The following GALP variants were observed in gnomAD, a reference collection of about 807,000 sequenced individuals.
GALP encodes the protein galanin-like peptide.
GALP carries 12 observed loss-of-function variants against 15.2 expected under a neutral mutation model. The ratio of observed to expected loss-of-function variants is 0.79; its 90% CI spans 0.51 to 1.28. GALP has a LOEUF of 1.28. Ranked by LOEUF, GALP falls within the 50% of genes most tolerant of loss-of-function variation. The probability of loss-of-function intolerance (pLI) is 0.00; values close to 1 mark genes in which losing one functional copy is unlikely to be tolerated. For missense variants in GALP, 161 were observed against 145.6 expected, an observed-to-expected ratio of 1.11 and a Z score of -0.55; for synonymous variants, 58 against 55.1, an observed-to-expected ratio of 1.05 and a Z score of -0.23.
Position 56,182,226 on chromosome 19 carries a change from A to G in GALP, c.191A>G (p.Glu64Gly). Residue 64 changes from glutamate (E) to glycine (G), a missense_variant, in exon 4 of 6, where the codon GAG (glutamate) becomes GGG (glycine). Transcript: ENST00000357330. ...GACGGAAAGAGGGAGACAGCCCTTG[A>G]GATCCTAGACCTGTGGAAGGCCATC... ...DQDGKRETAL[E>G]ILDLWKAIDG... is the part of the protein sequence containing the mutation. 3.7e-6 allele frequency: 6 copies of G among 1,613,980 alleles called. No individual in the cohort carries two copies. Among genetic ancestry groups the G allele is most frequent in the Non-Finnish European group, 5.1e-6 (6 of 1,179,838 alleles).
At chr19:56,184,942 A>C (rs2046411539) in intron 5 of GALP, among the ~76,000 whole-genome samples, 1 of 152,134 alleles carries the variant, frequency 6.6e-6, no homozygotes, top group Non-Finnish European at 1.5e-5. Flanking sequence ...TCTTGAAAAC[A>C]CCCACCATCA....
chr19:56,185,188 C>G, intron 5 of GALP, 27 bp from the exon 6 acceptor site: 3 of 1,534,168 alleles, frequency 2.0e-6, no homozygotes, highest in Non-Finnish European at 2.7e-6. Context: ...AAAAACCATT[C>G]AAAGTTTACC....
At chr19:56,180,501 A>T (rs2032544787) in intron 2 of GALP, 85 bp from the exon 3 acceptor site, 2 of 1,141,270 alleles carry the variant, frequency 1.8e-6, no homozygotes, top group Non-Finnish European at 2.7e-6. Context: ...GGAAAGTCGT[A>T]TGACGACCCA....
Position 56,185,301 on chromosome 19 carries a change from T to C in GALP, c.*31T>C, listed in dbSNP as rs56174458. Reference sequence around the variant, plus strand: ...TTCAAATCCCTGTTCCTATCCTTCTTCTCCAGCTCCTCCTGCTCCCTCTGA... The same window carrying C: ...TTCAAATCCCTGTTCCTATCCTTCTCCTCCAGCTCCTCCTGCTCCCTCTGA... On this transcript the variant is annotated 3_prime_UTR_variant, in exon 6 of 6. Coordinates refer to ENST00000357330, the MANE Select transcript of GALP (RefSeq NM_033106.4). 11,537 of 1,424,238 alleles carry C rather than the reference T, an allele frequency of 8.1e-3. 59 individuals carry two copies. The highest frequency in any genetic ancestry group is 9.8e-3 in the Non-Finnish European group (9,993 of 1,016,388). 88.2% of individuals were successfully genotyped at this position (1,424,238 alleles called of 1,614,324 possible). A position where few individuals can be genotyped will look rare whatever the true frequency, so the allele number is the denominator to read the frequency against.
At chr19:56,182,969 G>A (rs564347741) in intron 4 of GALP, among the ~76,000 whole-genome samples, 166 bp from the exon 5 acceptor site, 5 of 152,154 alleles carry the variant, frequency 3.3e-5, no homozygotes, top group East Asian at 3.9e-4. Context: ...GTACTAAGCC[G>A]AGTACCCAGT....
intron 4 of GALP, among the ~76,000 whole-genome samples, chr19:56,182,745 A>G (rs1433748007): frequency 1.3e-5 from 2 of 152,120 alleles, no homozygotes; most frequent in Non-Finnish European, 2.9e-5. Flanking sequence ...TTTAGTAGAG[A>G]TGGGGTTTCA....
intron 5 of GALP, among the ~76,000 whole-genome samples, chr19:56,183,607 A>AT (rs2032603176): frequency 6.6e-6 from 1 of 151,894 alleles, no homozygotes; most frequent in Admixed American, 6.6e-5. Context: ...TTATTTATTT[A>AT]TTTTTTGGGG....
Position 56,185,406 on chromosome 19 carries a change from T to G in GALP, c.*136T>G. The G allele has an allele frequency of 1.9e-6, 1 of 525,456 alleles. No homozygotes were observed. The highest frequency in any genetic ancestry group is 3.3e-6 in the Non-Finnish European group (1 of 301,680). 32.5% of individuals were successfully genotyped at this position (525,456 alleles called of 1,614,324 possible). A position where few individuals can be genotyped will look rare whatever the true frequency, so the allele number is the denominator to read the frequency against. On this transcript the variant is annotated 3_prime_UTR_variant, in exon 6 of 6. Transcript: ENST00000357330. The stretch of plus-strand genomic sequence containing the variant: ...GTCTCATGAAGACATTGTAAAGCAT[T>G]TGAATTATTCTAAAAAATTTCTGGA...
At chr19:56,183,722 C>T (rs893595112) in intron 5 of GALP, among the ~76,000 whole-genome samples, 14 of 151,696 alleles carry the variant, frequency 9.2e-5, no homozygotes, top group Admixed American at 4.6e-4. Flanking sequence ...CTCAGCCTCC[C>T]GAGTAGCTGG....
intron 2 of GALP, among the ~76,000 whole-genome samples, chr19:56,178,968 A>G (rs1033747809): frequency 6.6e-6 from 1 of 152,174 alleles, no homozygotes; most frequent in Admixed American, 6.5e-5. Context: ...TGAGGTCAGG[A>G]GTTTGAGACC....
chr19:56,179,138 C>T (rs900102604), intron 2 of GALP, among the ~76,000 whole-genome samples: 1 of 150,284 alleles, frequency 6.7e-6, no homozygotes, highest in Non-Finnish European at 1.5e-5. Context: ...GATGGCACCA[C>T]TGCGCTTCAG....
chr19:56,184,947 C>T (rs1771504035), intron 5 of GALP, among the ~76,000 whole-genome samples: 1 of 152,202 alleles, frequency 6.6e-6, no homozygotes, highest in Non-Finnish European at 1.5e-5. Context: ...AAAACACCCA[C>T]CATCACCATG....
At chr19:56,176,752 G>A (rs990278684) in intron 1 of GALP, among the ~76,000 whole-genome samples, 3 of 151,864 alleles carry the variant, frequency 2.0e-5, no homozygotes, top group African/African-American at 7.3e-5. Flanking sequence ...GGGGATAACA[G>A]GAGAAACCCC....
At chr19:56,182,275 G>A (rs770611174) in intron 4 of GALP, 23 bp downstream of exon 4, 53 of 1,566,204 alleles carry the variant, frequency 3.4e-5, no homozygotes, top group African/African-American at 5.4e-5. Context: ...GGAGTTAGAC[G>A]TCTTCTCCTG....
intron 3 of GALP, among the ~76,000 whole-genome samples, chr19:56,180,915 CTTTTTTTTT>C (rs1174325788): frequency 8.0e-4 from 32 of 40,144 alleles, no homozygotes; most frequent in South Asian, 2.3e-3. Context: ...TTCTTTCTTT[CTTTTTTTTT>C]TTTTTTTTTT....
chr19:56,178,789 A>G (rs565734230), intron 2 of GALP, among the ~76,000 whole-genome samples: 1 of 152,316 alleles, frequency 6.6e-6, no homozygotes, highest in East Asian at 1.9e-4. Flanking sequence ...TCTACCCCAC[A>G]ATCCTTTGCA....
rs1450441666 is a variant in GALP, at chr19:56,182,684, G to A, written c.217+432G>A. 2.6e-5 allele frequency among the ~76,000 whole-genome samples: 4 copies of A among 152,136 alleles called. No homozygotes were observed. In the East Asian group the frequency reaches 7.7e-4, roughly 29 times the overall value. On this transcript the variant is annotated intron_variant, in intron 4 of 5. Coordinates refer to ENST00000357330, the MANE Select transcript of GALP (RefSeq NM_033106.4). ...GCCTGTCATCCATACTCAAGCCTCC[G>A]AGTAGCTGGGATTACAGGCACCTGA...
In GALP at chr19:56,182,160, C is replaced by G; in HGVS notation, c.137-12C>G. ...CCGACCACCTGCTCTTGCTCTCTCC[C>G]TCCCTACCCAGTCCTCCACCTTCCC... On this transcript the variant is annotated splice_polypyrimidine_tract_variant and intron_variant, in intron 3 of 5. Coordinates refer to ENST00000357330, the MANE Select transcript of GALP (RefSeq NM_033106.4). 1 of 1,606,390 alleles carries G rather than the reference C, an allele frequency of 6.2e-7. No individual in the cohort carries two copies. The highest frequency in any genetic ancestry group is 8.5e-7 in the Non-Finnish European group (1 of 1,172,992).
At chr19:56,178,074 T>C (rs2032495589) in intron 2 of GALP, among the ~76,000 whole-genome samples, 1 of 151,696 alleles carries the variant, frequency 6.6e-6, no homozygotes, top group South Asian at 2.1e-4. Flanking sequence ...ATGTAGAGGG[T>C]AATTACCTTG....
Sources: gnomAD v4.1 joint callset for allele counts (sites outside exome capture counted in the v4.1 genomes callset) on GRCh38, gnomAD v4.1.1 for gene constraint, MANE v1.5 for transcripts, NCBI Gene and HGNC (gene_info 2026-07-23, HGNC 2026-07-21) for gene names.